MYO5C: variants seen among roughly 807,000 people sequenced by gnomAD.
The protein encoded by MYO5C is unconventional myosin-Vc.
In MYO5C, 194 loss-of-function variants were observed where a neutral mutation model predicts 235.7. That is an observed-to-expected ratio of 0.82 (90% CI 0.73 to 0.93). The LOEUF (loss-of-function observed/expected upper bound fraction) is 0.93, where lower values mean the gene tolerates loss of function less well. Ranked by LOEUF, MYO5C falls within the 40% of genes least tolerant of loss-of-function variation. The probability of loss-of-function intolerance (pLI) is 0.00; values close to 1 mark genes in which losing one functional copy is unlikely to be tolerated. For synonymous variants in MYO5C, 707 were observed against 754.8 expected, an observed-to-expected ratio of 0.94 and a Z score of 1.04; for missense variants, 2,038 against 2,127.2, an observed-to-expected ratio of 0.96 and a Z score of 0.82.
chr15:52,248,284 C>T (rs137953535), intron 14 of MYO5C, among the ~76,000 whole-genome samples: 46 of 152,172 alleles, frequency 3.0e-4, no homozygotes, highest in African/African-American at 1.1e-3. Context: ...GCTGGGACTA[C>T]AGGCATGTCA....
intron 8 of MYO5C, among the ~76,000 whole-genome samples, chr15:52,268,493 G>A (rs1486144099): frequency 1.3e-5 from 2 of 152,120 alleles, no homozygotes; most frequent in Non-Finnish European, 2.9e-5. Flanking sequence ...AATCGGGGAG[G>A]CAGAGGTTGC....
At chr15:52,258,558 T>C (rs2036627285) in intron 10 of MYO5C, among the ~76,000 whole-genome samples, 3 of 152,332 alleles carry the variant, frequency 2.0e-5, no homozygotes, top group Admixed American at 2.0e-4. Context: ...TGCTAAGTCT[T>C]CCTTTGAGGC....
chr15:52,277,371 T>C (rs922069312), intron 4 of MYO5C, among the ~76,000 whole-genome samples: 1 of 151,922 alleles, frequency 6.6e-6, no homozygotes, highest in Non-Finnish European at 1.5e-5. Context: ...CCACGATACC[T>C]GGGAGACCTA....
Position 52,253,446 on chromosome 15 carries a change from T to A in MYO5C, c.1407A>T (p.Lys469Asn). Reference protein sequence around the residue: ...LQQQFNMHVFKLEQEEYMKED... With the variant: ...LQQQFNMHVFNLEQEEYMKED... ...CCTTCATGTATTCTTCTTGTTCCAGTTTGAAGACATGCTGGGAATCCAAAG... is the reference window on the plus strand; with the variant it reads ...CCTTCATGTATTCTTCTTGTTCCAGATTGAAGACATGCTGGGAATCCAAAG... The change falls in exon 12 of 41, where the codon AAA (lysine) becomes AAT (asparagine). Residue 469 changes from lysine to asparagine, a missense_variant. Physicochemically the swap from Lys to Asn is moderately conservative, Grantham distance 94 (BLOSUM62 0). Coordinates refer to ENST00000261839, the MANE Select transcript of MYO5C (RefSeq NM_018728.4). 2.5e-6 allele frequency: 4 copies of A among 1,611,912 alleles called. No homozygotes were observed. The highest frequency in any genetic ancestry group is 3.4e-6 in the Non-Finnish European group (4 of 1,179,416).
At chr15:52,222,801 T>G (rs2035724384) in intron 29 of MYO5C, among the ~76,000 whole-genome samples, 1 of 151,802 alleles carries the variant, frequency 6.6e-6, no homozygotes, top group South Asian at 2.1e-4. Flanking sequence ...TAGGCATGAG[T>G]TGGAAGAAAG....
intron 1 of MYO5C, among the ~76,000 whole-genome samples, chr15:52,292,360 G>A (rs1467019630): frequency 6.6e-6 from 1 of 152,226 alleles, no homozygotes; most frequent in Non-Finnish European, 1.5e-5. Flanking sequence ...AATAAAGGCG[G>A]TTGAACCAAG....
intron 24 of MYO5C, among the ~76,000 whole-genome samples, chr15:52,229,901 G>A (rs993403501): frequency 6.6e-6 from 1 of 152,194 alleles, no homozygotes; most frequent in Non-Finnish European, 1.5e-5. Context: ...GACACACTGG[G>A]TTTTGGGGCA....
Position 52,224,915 on chromosome 15 carries a change from T to C in MYO5C, c.3432A>G (p.Leu1144=), listed in dbSNP as rs1203191428. 1 of 1,613,532 alleles carries C rather than the reference T, an allele frequency of 6.2e-7. No homozygotes were observed. The highest frequency in any genetic ancestry group is 8.5e-7 in the Non-Finnish European group (1 of 1,179,668). Residue 1144 remains leucine (L), a synonymous_variant, in exon 28 of 41, where the codon CTA becomes CTG. Coordinates refer to ENST00000261839, the MANE Select transcript of MYO5C (RefSeq NM_018728.4). ...DGELWFAYEG[L]KKATRVLESH... is the part of the protein sequence containing the mutation. ...GAATTTCTAACCGTGTTGCTTTCTTTAGTCCTTCATAAGCAAACCAAAGTT... is the reference window on the plus strand; with the variant it reads ...GAATTTCTAACCGTGTTGCTTTCTTCAGTCCTTCATAAGCAAACCAAAGTT...
At chr15:52,229,012 T>TC in intron 25 of MYO5C, 121 bp downstream of exon 25, 1 of 1,104,736 alleles carries the variant, frequency 9.1e-7, no homozygotes, top group Non-Finnish European at 1.3e-6. Context: ...ACTGAAGGAA[T>TC]CAGGCTCCAG....
At chr15:52,243,047 G>A (rs1189243962) in intron 19 of MYO5C, 1 of 152,234 alleles carries the variant, frequency 6.6e-6, no homozygotes, top group Non-Finnish European at 1.5e-5. Context: ...TTCTATGACA[G>A]CCACCATGCT....
chr15:52,229,034 C>G, intron 25 of MYO5C, 99 bp downstream of exon 25: 1 of 1,453,818 alleles, frequency 6.9e-7, no homozygotes, highest in Non-Finnish European at 9.4e-7. Flanking sequence ...TGCCTGTGGC[C>G]TTTACACAGA....
At chr15:52,286,543 T>G (rs912726599) in intron 1 of MYO5C, among the ~76,000 whole-genome samples, 1 of 152,146 alleles carries the variant, frequency 6.6e-6, no homozygotes, top group Non-Finnish European at 1.5e-5. Context: ...ATGGTTGCCG[T>G]GTCTGTGTAG....
intron 9 of MYO5C, 118 bp from the exon 10 acceptor site, chr15:52,261,245 G>T: frequency 8.2e-7 from 1 of 1,220,490 alleles, no homozygotes; most frequent in Non-Finnish European, 1.1e-6. Context: ...GTAGTAGCTG[G>T]CACAAGGACG....
intron 38 of MYO5C, among the ~76,000 whole-genome samples, chr15:52,197,177 C>A (rs2035071745): frequency 6.6e-6 from 1 of 152,202 alleles, no homozygotes; most frequent in African/African-American, 2.4e-5. Context: ...AAACAAAACT[C>A]TGTACACAAA....
rs1221712349 is a variant in MYO5C, at chr15:52,204,945, G to A, written c.4740C>T (p.Phe1580=). The change falls in exon 38 of 41, where the codon TTC becomes TTT. Residue 1580 remains phenylalanine, a synonymous_variant. Transcript: ENST00000261839. ...TCAGCGTGACCGCCCCGATCAAGAA[G>A]AAGAGCTGCTTCACCGCCTGCCTCA... ...ELVRQAVKQL[F]FLIGAVTLNS... 2.5e-6 allele frequency: 4 copies of A among 1,614,270 alleles called. No homozygotes were observed. In the Admixed American group the frequency reaches 5.0e-5, roughly 20 times the overall value.
intron 4 of MYO5C, 65 bp from the exon 5 acceptor site, chr15:52,275,783 A>T: frequency 6.7e-7 from 1 of 1,489,728 alleles, no homozygotes; most frequent in Non-Finnish European, 9.3e-7. Context: ...TGTGCTAATT[A>T]AGACAAATGT....
intron 38 of MYO5C, among the ~76,000 whole-genome samples, chr15:52,204,053 T>C (rs1401715743): frequency 6.6e-6 from 1 of 152,174 alleles, no homozygotes; most frequent in East Asian, 1.9e-4. Context: ...TATTATGTGT[T>C]TTCCAATCAC....
chr15:52,207,807 AAAAG>A (rs1361275081), intron 36 of MYO5C, among the ~76,000 whole-genome samples: 16 of 152,244 alleles, frequency 1.1e-4, no homozygotes, highest in Non-Finnish European at 2.4e-4. Flanking sequence ...AACCCTAAGA[AAAAG>A]AAAGGAAGGA....
intron 32 of MYO5C, among the ~76,000 whole-genome samples, chr15:52,218,300 TCTC>T (rs1428016027): frequency 1.3e-5 from 2 of 152,054 alleles, no homozygotes; most frequent in Non-Finnish European, 2.9e-5. Context: ...CCTCTCTGTC[TCTC>T]CTCCTTCACC....
Sources: allele counts gnomAD v4.1 joint callset (sites outside exome capture counted in the v4.1 genomes callset), GRCh38; gene constraint gnomAD v4.1.1; transcripts MANE v1.5; gene names NCBI Gene and HGNC (gene_info 2026-07-23, HGNC 2026-07-21).